Variants in PALM2AKAP2 observed in about 807,000 individuals in gnomAD.
The protein encoded by PALM2AKAP2 is PALM2-AKAP2 fusion protein.
Under a neutral mutation model 71.5 loss-of-function variants are expected in PALM2AKAP2, and 37 were observed. The observed-to-expected ratio is 0.52, with a 90% CI of 0.40 to 0.68. PALM2AKAP2 has a LOEUF of 0.68. Among genes scored for constraint, PALM2AKAP2 ranks in the 30% least tolerant of loss-of-function variants. The pLI is 0.00. For synonymous variants in PALM2AKAP2, 468 were observed against 478.8 expected, an observed-to-expected ratio of 0.98 and a Z score of 0.29; for missense variants, 1,224 against 1,191.8, an observed-to-expected ratio of 1.03 and a Z score of -0.40.
intron 3 of PALM2AKAP2, among the ~76,000 whole-genome samples, chr9:109,910,501 A>C (rs1160110872): frequency 3.9e-5 from 6 of 152,242 alleles, no homozygotes; most frequent in South Asian, 2.1e-4. Context: ...ATAAACCTTT[A>C]GTGGTAGAGT....
chr9:109,723,552 C>T (rs1224075520), intron 1 of PALM2AKAP2, among the ~76,000 whole-genome samples: 1 of 152,202 alleles, frequency 6.6e-6, no homozygotes, highest in Admixed American at 6.5e-5. Flanking sequence ...GACCTCTGTG[C>T]TCTGCATGGA....
rs1481807568 is a variant in PALM2AKAP2, at chr9:109,889,385, C to G, written c.257+8704C>G. ...GAGTGGGAGTGAAAAAACAGTCTCT[C>G]CCCAAAGCCTGAAAGTGACAGGAAA... On this transcript the variant is annotated intron_variant, in intron 3 of 9. Coordinates refer to the PALM2AKAP2 transcript ENST00000302798. 2.0e-5 allele frequency among the ~76,000 whole-genome samples: 3 copies of G among 152,164 alleles called. No homozygotes were observed. The East Asian group carries it at 5.8e-4, about 29-fold the overall frequency.
At chr9:109,894,085 C>G (rs924244667) in intron 3 of PALM2AKAP2, among the ~76,000 whole-genome samples, 3 of 151,648 alleles carry the variant, frequency 2.0e-5, no homozygotes, top group Non-Finnish European at 2.9e-5. Context: ...GCCTGTAATC[C>G]CAGCACTTCG....
chr9:109,675,393 G>A (rs1440667299), intron 1 of PALM2AKAP2, among the ~76,000 whole-genome samples: 1 of 152,104 alleles, frequency 6.6e-6, no homozygotes, highest in Non-Finnish European at 1.5e-5. Context: ...CTTTCTGGCT[G>A]TTAATTACCA....
intron 1 of PALM2AKAP2, among the ~76,000 whole-genome samples, chr9:110,098,039 CAATCGCAGGCACTCGGCAGGCTGAG>C: frequency 6.9e-6 from 1 of 144,562 alleles, no homozygotes; most frequent in East Asian, 2.0e-4. Context: ...CGCGTGCCTG[CAATCGCAGGCACTCGGCAGGCTGAG>C]GCAGGAGAAT....
At chr9:109,788,033 G>A (rs923300714) in intron 1 of PALM2AKAP2, among the ~76,000 whole-genome samples, 2 of 152,118 alleles carry the variant, frequency 1.3e-5, no homozygotes, top group Non-Finnish European at 2.9e-5. Flanking sequence ...TGGATAAATG[G>A]TGCTTATTTG....
chr9:109,905,712 G>T (rs1017439979), intron 3 of PALM2AKAP2, among the ~76,000 whole-genome samples: 2 of 152,220 alleles, frequency 1.3e-5, no homozygotes, highest in African/African-American at 4.8e-5. Flanking sequence ...AGGTTAAGGG[G>T]CCAGGCTGTC....
chr9:110,027,390 G>A (rs761802208), intron 7 of PALM2AKAP2, among the ~76,000 whole-genome samples: 3 of 152,146 alleles, frequency 2.0e-5, no homozygotes, highest in Non-Finnish European at 2.9e-5. Flanking sequence ...CAACTAAATC[G>A]TAGATGCTCT....
chr9:109,992,883 A>G (rs1832510296), intron 6 of PALM2AKAP2, among the ~76,000 whole-genome samples: 2 of 151,726 alleles, frequency 1.3e-5, no homozygotes, highest in South Asian at 2.1e-4. Context: ...AGCATAGTCT[A>G]GCTTCCAAAA....
At chr9:109,809,572 G>A (rs1241080504) in intron 1 of PALM2AKAP2, among the ~76,000 whole-genome samples, 2 of 152,192 alleles carry the variant, frequency 1.3e-5, no homozygotes, top group Non-Finnish European at 2.9e-5. Flanking sequence ...GACTTGCCTT[G>A]TCTCAGATGA....
At chr9:109,682,765 G>A (rs993291682) in intron 1 of PALM2AKAP2, among the ~76,000 whole-genome samples, 15 of 152,168 alleles carry the variant, frequency 9.9e-5, no homozygotes, top group Non-Finnish European at 2.1e-4. Context: ...CGTCGTTGGC[G>A]AAGCATCCTT....
chr9:109,918,603 T>G, intron 3 of PALM2AKAP2, among the ~76,000 whole-genome samples: 1 of 152,238 alleles, frequency 6.6e-6, no homozygotes, highest in East Asian at 1.9e-4. Context: ...CTGCATTAGA[T>G]TTCAGTCATG....
intron 2 of PALM2AKAP2, among the ~76,000 whole-genome samples, chr9:110,154,606 G>C (rs1014784026): frequency 6.6e-6 from 1 of 152,082 alleles, no homozygotes; most frequent in African/African-American, 2.4e-5. Flanking sequence ...TAAAAAATAG[G>C]AACTGTTTCT....
At chr9:109,801,138 C>T (rs1240211053) in intron 1 of PALM2AKAP2, among the ~76,000 whole-genome samples, 1 of 152,204 alleles carries the variant, frequency 6.6e-6, no homozygotes, top group Non-Finnish European at 1.5e-5. Flanking sequence ...TGCCGTGAAA[C>T]ATTTCAGCTC....
intron 1 of PALM2AKAP2, among the ~76,000 whole-genome samples, chr9:109,660,347 C>T (rs968694125): frequency 5.3e-5 from 8 of 151,424 alleles, no homozygotes; most frequent in African/African-American, 9.7e-5. Flanking sequence ...CCCTCCCCAA[C>T]CCCCCCAACT....
intron 6 of PALM2AKAP2, chr9:109,945,656 G>A (rs1442591409): frequency 6.6e-6 from 1 of 152,202 alleles, no homozygotes; most frequent in East Asian, 1.9e-4. Flanking sequence ...TACTCACTTG[G>A]AGATTCAAGC....
chr9:109,845,712 A>G (rs574014191), intron 1 of PALM2AKAP2, among the ~76,000 whole-genome samples: 1 of 152,284 alleles, frequency 6.6e-6, no homozygotes, highest in East Asian at 1.9e-4. Flanking sequence ...TCACTCATTC[A>G]TTTATTTGTT....
At position 109,983,863 on chromosome 9, in the gene PALM2AKAP2, T is replaced by A. The variant is rs547198730; in HGVS notation, c.497-32091T>A. Among the ~76,000 whole-genome samples the A allele has an allele frequency of 3.2e-3, 479 of 150,284 alleles. 3 individuals are homozygous for A. Among genetic ancestry groups the A allele is most frequent in the African/African-American group, 0.011 (468 of 40,800 alleles). ...CTGGGCAATAGAGCCAGACCCTGAC[T>A]TAAAAAAAAAAAGAAAAGAAAAGAA... On this transcript the variant is annotated intron_variant, in intron 6 of 9. Coordinates refer to the PALM2AKAP2 transcript ENST00000302798.
intron 1 of PALM2AKAP2, among the ~76,000 whole-genome samples, chr9:110,082,601 T>C (rs1048943131): frequency 6.6e-6 from 1 of 152,232 alleles, no homozygotes; most frequent in Non-Finnish European, 1.5e-5. Context: ...TGCATAAAGA[T>C]AGTGGATTGA....
Sources: gnomAD v4.1 joint callset for allele counts (sites outside exome capture counted in the v4.1 genomes callset) on GRCh38, gnomAD v4.1.1 for gene constraint, MANE v1.5 for transcripts, NCBI Gene and HGNC (gene_info 2026-07-23, HGNC 2026-07-21) for gene names.